The following FGD4 variants were observed in gnomAD, a reference collection of about 807,000 sequenced individuals.
The protein encoded by FGD4 is FYVE, RhoGEF and PH domain-containing protein 4.
Under a neutral mutation model 102.0 loss-of-function variants are expected in FGD4, and 42 were observed. The observed-to-expected ratio is 0.41, with a 90% CI of 0.32 to 0.53. FGD4 has a LOEUF of 0.53. Ranked by LOEUF, FGD4 falls within the 20% of genes least tolerant of loss-of-function variation. The probability of loss-of-function intolerance (pLI) is 0.21; values close to 1 mark genes in which losing one functional copy is unlikely to be tolerated. For missense variants in FGD4, 902 were observed against 1,078.2 expected (o/e 0.84, Z 2.29); for synonymous variants, 380 against 375.7 (o/e 1.01, Z -0.13).
chr12:32,543,827 C>T (rs527528261), intron 1 of FGD4, among the ~76,000 whole-genome samples: 1 of 152,186 alleles, frequency 6.6e-6, no homozygotes, highest in South Asian at 2.1e-4. Flanking sequence ...CGGGGTTTCA[C>T]CATCTTAGCC....
chr12:32,412,899 A>ATTTTTTTTTTTTTTT (rs869107334), intron 1 of FGD4, among the ~76,000 whole-genome samples: 4 of 86,986 alleles, frequency 4.6e-5, no homozygotes, highest in African/African-American at 2.2e-4. Flanking sequence ...TTTTCTAGAA[A>ATTTTTTTTTTTTTTT]TTTTTTTTTT....
intron 1 of FGD4, among the ~76,000 whole-genome samples, chr12:32,457,166 G>A (rs1942970862): frequency 6.6e-6 from 1 of 152,030 alleles, no homozygotes; most frequent in African/African-American, 2.4e-5. Context: ...TCATTAGAAA[G>A]TTTCTTATAA....
At chr12:32,433,345 A>G (rs1942116691) in intron 1 of FGD4, among the ~76,000 whole-genome samples, 1 of 151,212 alleles carries the variant, frequency 6.6e-6, no homozygotes, top group South Asian at 2.1e-4. Context: ...TTAAAAATAC[A>G]TTTTTCTTTT....
chr12:32,558,334 G>A (rs1240815546), intron 1 of FGD4, among the ~76,000 whole-genome samples: 1 of 152,202 alleles, frequency 6.6e-6, no homozygotes, highest in Non-Finnish European at 1.5e-5. Flanking sequence ...CTAGAAAACT[G>A]TGTCTTCCCT....
At chr12:32,439,037 A>G (rs1363020058) in intron 1 of FGD4, among the ~76,000 whole-genome samples, 3 of 152,198 alleles carry the variant, frequency 2.0e-5, no homozygotes, top group Non-Finnish European at 4.4e-5. Context: ...ATTATTATAG[A>G]TATCATGTTG....
chr12:32,608,111 T>A lies in FGD4; in HGVS notation c.1543+16T>A. ...GATGCTAAAAGTAAATGCTTTTTTT[T>A]TGTTTTCTCCCTATTTTGGAATAAT... On this transcript the variant is annotated intron_variant, in intron 8 of 16. Transcript: ENST00000534526. 6.2e-7 allele frequency: 1 copy of A among 1,614,108 alleles called. No individual in the cohort carries two copies. The highest frequency in any genetic ancestry group is 8.5e-7 in the Non-Finnish European group (1 of 1,179,976).
At chr12:32,515,834 G>A (rs1001928620) in intron 1 of FGD4, among the ~76,000 whole-genome samples, 2 of 152,192 alleles carry the variant, frequency 1.3e-5, no homozygotes, top group Non-Finnish European at 2.9e-5. Context: ...ATATAAAAAT[G>A]ATCAGGGATG....
intron 4 of FGD4, among the ~76,000 whole-genome samples, chr12:32,593,746 C>T (rs543290913): frequency 5.1e-4 from 77 of 152,290 alleles, no homozygotes; most frequent in Middle Eastern, 3.4e-3. Context: ...TATCATGGCA[C>T]AAGTTCTGCC....
At position 32,619,804 on chromosome 12, in the gene FGD4, A is replaced by T. The variant is rs1203805739; in HGVS notation, c.1856A>T (p.Gln619Leu). ...GIDGMKIVETQNEEYPHTFQV... is the reference protein window; with the variant it reads ...GIDGMKIVETLNEEYPHTFQV... ...GATGGAATGAAAATTGTAGAGACTC[A>T]AAATGAAGAATATCCACATACTTTC... Residue 619 changes from glutamine (Q) to leucine (L), a missense_variant, in exon 11 of 17, where the codon CAA becomes CTA. By Grantham distance (113) the Gln-to-Leu change is moderately radical (BLOSUM62 -2). Around this residue, in one of 2 missense-constraint regions of FGD4, gnomAD observed 459 missense variants for 619.0 expected, o/e 0.74. Transcript: ENST00000534526. 1 of 1,614,228 alleles carries T rather than the reference A, an allele frequency of 6.2e-7. No individual in the cohort carries two copies. The highest frequency in any genetic ancestry group is 1.7e-5 in the Admixed American group (1 of 60,020).
chr12:32,412,176 C>T (rs192707426), intron 1 of FGD4, among the ~76,000 whole-genome samples: 2 of 152,202 alleles, frequency 1.3e-5, no homozygotes, highest in East Asian at 3.9e-4. Flanking sequence ...GATGAGGGAA[C>T]AGAGACTGAT....
chr12:32,630,387 A>G (rs574661458), intron 14 of FGD4, among the ~76,000 whole-genome samples: 17 of 152,258 alleles, frequency 1.1e-4, no homozygotes, highest in African/African-American at 4.1e-4. Context: ...AATGCTATAT[A>G]AACTTCAGCT....
intron 1 of FGD4, among the ~76,000 whole-genome samples, chr12:32,415,477 C>T (rs954523884): frequency 7.8e-6 from 1 of 127,582 alleles, no homozygotes; most frequent in Non-Finnish European, 1.5e-5. Flanking sequence ...GGCTGGAGTG[C>T]TGTGGCACAG....
chr12:32,432,561 G>A (rs539246320), intron 1 of FGD4, among the ~76,000 whole-genome samples: 17 of 150,208 alleles, frequency 1.1e-4, no homozygotes, highest in African/African-American at 3.7e-4. Flanking sequence ...CCAAGATCGC[G>A]CCACTGCACT....
chr12:32,621,974 A>G (rs551403645), intron 11 of FGD4, among the ~76,000 whole-genome samples: 4 of 151,330 alleles, frequency 2.6e-5, no homozygotes, highest in Non-Finnish European at 5.9e-5. Flanking sequence ...TGCAACCTCC[A>G]TACCCTGGGT....
At chr12:32,481,900 A>G (rs1411878031) in intron 1 of FGD4, among the ~76,000 whole-genome samples, 1 of 152,156 alleles carries the variant, frequency 6.6e-6, no homozygotes, top group Non-Finnish European at 1.5e-5. Context: ...TCAAGTGCTC[A>G]TGTGGCCACC....
chr12:32,572,308 A>G (rs944141436), intron 2 of FGD4, among the ~76,000 whole-genome samples: 7 of 152,320 alleles, frequency 4.6e-5, no homozygotes, highest in Non-Finnish European at 8.8e-5. Flanking sequence ...TATTGGATTC[A>G]GGGCACCTTT....
chr12:32,641,581 G>A lies in FGD4; in HGVS notation c.*1048G>A, dbSNP rs1304521018. The A allele has an allele frequency of 2.6e-5, 4 of 152,184 alleles. No individual in the cohort carries two copies. Among genetic ancestry groups the A allele is most frequent in the Non-Finnish European group, 5.9e-5 (4 of 68,028 alleles). 9.4% of individuals were successfully genotyped at this position (152,184 alleles called of 1,614,324 possible). On this transcript the variant is annotated 3_prime_UTR_variant, in exon 17 of 17. Coordinates refer to ENST00000534526, the MANE Select transcript of FGD4 (RefSeq NM_001370298.3). ...TTATTGCAGTAGTTAACATCAGCAT[G>A]TACAAACATTTTCACCAAAACCCAA...
In FGD4 at chr12:32,601,743, G is replaced by C. The variant is rs116342599; in HGVS notation, c.1247+320G>C. Among the ~76,000 whole-genome samples, 1,756 of 152,326 alleles carry C rather than the reference G, an allele frequency of 0.012. 41 individuals are homozygous for C. Among genetic ancestry groups the C allele is most frequent in the African/African-American group, 0.04 (1,646 of 41,568 alleles). On this transcript the variant is annotated intron_variant, in intron 6 of 16. Transcript: ENST00000534526. ...ATCAGCCTCACAGTACGGTGAATGA[G>C]ATAAAGCACAGGATGTATGTAGAAT...
At chr12:32,604,130 T>C (rs1250802802) in intron 7 of FGD4, among the ~76,000 whole-genome samples, 1 of 152,244 alleles carries the variant, frequency 6.6e-6, no homozygotes, top group Non-Finnish European at 1.5e-5. Context: ...GCTTTCAAGA[T>C]GTTCTCTGTT....
Sources: gnomAD v4.1 joint callset for allele counts (sites outside exome capture counted in the v4.1 genomes callset) on GRCh38, gnomAD v4.1.1 for gene constraint, gnomAD v4.1.1 regional missense constraint, MANE v1.5 for transcripts, NCBI Gene and HGNC (gene_info 2026-07-23, HGNC 2026-07-21) for gene names.